Variants in TENM2 observed in about 807,000 individuals in gnomAD.
TENM2 encodes teneurin-2.
TENM2 carries 52 observed loss-of-function variants against 245.2 expected under a neutral mutation model. That is an observed-to-expected ratio of 0.21 (90% CI 0.17 to 0.27). The LOEUF (loss-of-function observed/expected upper bound fraction) is 0.27, where lower values mean the gene tolerates loss of function less well. Among genes scored for constraint, TENM2 ranks in the 10% least tolerant of loss-of-function variants. The pLI, the probability that TENM2 is intolerant of heterozygous loss-of-function variation, is 1.00. For synonymous variants in TENM2, 1,363 were observed against 1,438.9 expected, an observed-to-expected ratio of 0.95 and a Z score of 1.19; for missense variants, 3,046 against 3,666.8, an observed-to-expected ratio of 0.83 and a Z score of 4.37.
intron 2 of TENM2, among the ~76,000 whole-genome samples, chr5:167,559,611 GT>G (rs960972678): frequency 3.3e-4 from 50 of 152,058 alleles, no homozygotes; most frequent in Non-Finnish European, 1.2e-4. Context: ...CCCACCTGTA[GT>G]TTTTTTCCTT....
At chr5:167,102,640 C>T in the TENM2 span, among the ~76,000 whole-genome samples, 1 of 152,128 alleles carries the variant, frequency 6.6e-6, no homozygotes, top group Non-Finnish European at 1.5e-5. Flanking sequence ...TTAGACTTCA[C>T]ACAGTTTGTT....
intron 7 of TENM2, among the ~76,000 whole-genome samples, chr5:168,079,424 C>G (rs1242130088): frequency 1.3e-5 from 2 of 152,160 alleles, no homozygotes; most frequent in Non-Finnish European, 2.9e-5. Flanking sequence ...CCCTTTATTT[C>G]CTTCTCCTGC....
At chr5:167,137,396 A>C in the TENM2 span, among the ~76,000 whole-genome samples, 3 of 152,222 alleles carry the variant, frequency 2.0e-5, no homozygotes, top group Non-Finnish European at 4.4e-5. Flanking sequence ...CATAAATAAA[A>C]GGTGAAACCA....
intron 2 of TENM2, among the ~76,000 whole-genome samples, chr5:167,620,265 G>A (rs1444289773): frequency 6.6e-6 from 1 of 152,044 alleles, no homozygotes; most frequent in African/African-American, 2.4e-5. Flanking sequence ...ACAGCTGCGG[G>A]GAGCACTTGG....
intron 2 of TENM2, among the ~76,000 whole-genome samples, chr5:167,516,349 G>A (rs1020701137): frequency 2.0e-5 from 3 of 152,080 alleles, no homozygotes; most frequent in Non-Finnish European, 2.9e-5. Flanking sequence ...AAAACAAAGA[G>A]TGGAAAAGTT....
chr5:167,776,150 G>A (rs1349733007), intron 2 of TENM2, among the ~76,000 whole-genome samples: 36 of 141,444 alleles, frequency 2.5e-4, no homozygotes, highest in Admixed American at 2.8e-4. Context: ...CCTGTGAAAG[G>A]AAAAAAAAAT....
chr5:168,211,631 T>C, intron 19 of TENM2, 103 bp from the exon 22 acceptor site: 3 of 708,356 alleles, frequency 4.2e-6, no homozygotes, highest in Non-Finnish European at 7.0e-6. Context: ...ACTGCCTTTT[T>C]TGGGCCCCTT....
intron 2 of TENM2, among the ~76,000 whole-genome samples, chr5:167,539,541 AG>A (rs1160111398): frequency 6.6e-6 from 1 of 152,200 alleles, no homozygotes; most frequent in Non-Finnish European, 1.5e-5. Flanking sequence ...GATAAGATTA[AG>A]GTATAAGAAA....
chr5:167,030,109 T>A, the TENM2 span, among the ~76,000 whole-genome samples: 1 of 152,212 alleles, frequency 6.6e-6, no homozygotes. Flanking sequence ...GTCCTCATCC[T>A]CTATTCAATG....
intron 2 of TENM2, among the ~76,000 whole-genome samples, chr5:167,465,456 C>T (rs914076050): frequency 1.3e-5 from 2 of 152,194 alleles, no homozygotes; most frequent in Non-Finnish European, 2.9e-5. Context: ...CTGCAATCTC[C>T]ATGATCTCAC....
chr5:167,421,120 A>C (rs1040711658), intron 2 of TENM2, among the ~76,000 whole-genome samples: 2 of 152,194 alleles, frequency 1.3e-5, no homozygotes, highest in Non-Finnish European at 2.9e-5. Flanking sequence ...TAATACGTCT[A>C]TGCTAAAACT....
intron 2 of TENM2, among the ~76,000 whole-genome samples, chr5:167,709,742 T>G (rs1032219797): frequency 6.6e-6 from 1 of 152,138 alleles, no homozygotes; most frequent in Admixed American, 6.5e-5. Context: ...GTTTTACACC[T>G]TGTCTCTTCA....
chr5:167,197,112 C>A, the TENM2 span, among the ~76,000 whole-genome samples: 2 of 151,982 alleles, frequency 1.3e-5, no homozygotes, highest in Non-Finnish European at 2.9e-5. Context: ...TTATACTGTT[C>A]TACTAGAGAT....
chr5:167,923,612 G>C (rs142642929), intron 3 of TENM2, among the ~76,000 whole-genome samples: 2 of 152,290 alleles, frequency 1.3e-5, no homozygotes, highest in Admixed American at 1.3e-4. Context: ...TGTCTGGTCT[G>C]CATGGTAAAT....
Position 168,250,120 on chromosome 5 carries a change from A to G in TENM2, c.7432+1749A>G, listed in dbSNP as rs866687772. Among the ~76,000 whole-genome samples the G allele has an allele frequency of 4.9e-5, 4 of 81,862 alleles. No homozygotes were observed. In the Admixed American group the frequency reaches 5.0e-4, roughly 10 times the overall value. The allele number at this position is 81,862 out of a possible 152,430, so 53.7% of individuals were successfully genotyped here. A position where few individuals can be genotyped will look rare whatever the true frequency, so the allele number is the denominator to read the frequency against. Reference sequence around the variant, plus strand: ...GCTGGATGAGTGGATGGATGGATGGATGGATGGATGGATGGATGGATGGAT... The same window carrying G: ...GCTGGATGAGTGGATGGATGGATGGGTGGATGGATGGATGGATGGATGGAT... On this transcript the variant is annotated intron_variant, in intron 27 of 28. Coordinates refer to ENST00000518659, the Ensembl canonical transcript of TENM2.
At chr5:167,866,297 G>A (rs532055327) in intron 2 of TENM2, among the ~76,000 whole-genome samples, 6 of 152,076 alleles carry the variant, frequency 3.9e-5, no homozygotes, top group East Asian at 1.9e-4. Context: ...TCAGGAGTTC[G>A]AGACCAGCCT....
chr5:167,403,389 A>G (rs1762466791), intron 2 of TENM2, among the ~76,000 whole-genome samples: 3 of 152,076 alleles, frequency 2.0e-5, no homozygotes, highest in Admixed American at 1.3e-4. Flanking sequence ...TACTTATGCT[A>G]TGCTAATATA....
intron 2 of TENM2, among the ~76,000 whole-genome samples, chr5:167,736,695 A>AAC (rs917873231): frequency 7.9e-5 from 12 of 151,810 alleles, no homozygotes; most frequent in African/African-American, 2.7e-4. Flanking sequence ...GGAAAAAAAA[A>AAC]AAAAAAAAAT....
At chr5:167,214,261 G>A in the TENM2 span, among the ~76,000 whole-genome samples, 1 of 152,108 alleles carries the variant, frequency 6.6e-6, no homozygotes, top group Non-Finnish European at 1.5e-5. Context: ...CCAATTTCAG[G>A]CTGAAGTCAA....
Sources: allele counts gnomAD v4.1 joint callset (sites outside exome capture counted in the v4.1 genomes callset), GRCh38; gene constraint gnomAD v4.1.1; transcripts MANE v1.5; gene names NCBI Gene and HGNC (gene_info 2026-07-23, HGNC 2026-07-21).